BCL7C: variants seen among roughly 807,000 people sequenced by gnomAD.
BCL7C encodes BAF chromatin remodeling complex subunit BCL7C.
BCL7C carries 8 observed loss-of-function variants against 26.2 expected under a neutral mutation model. The observed-to-expected ratio is 0.30, with a 90% CI of 0.18 to 0.55. BCL7C has a LOEUF of 0.55. Ranked by LOEUF, BCL7C falls within the 20% of genes least tolerant of loss-of-function variation. BCL7C has a pLI of 0.93. For synonymous variants in BCL7C, 90 were observed against 116.5 expected, an observed-to-expected ratio of 0.77 and a Z score of 1.47; for missense variants, 262 against 298.5, an observed-to-expected ratio of 0.88 and a Z score of 0.90.
chr16:30,870,232 T>C (rs984547616), intron 5 of BCL7C, among the ~76,000 whole-genome samples: 4 of 152,160 alleles, frequency 2.6e-5, no homozygotes, highest in African/African-American at 9.7e-5. Flanking sequence ...AATGGTTCCT[T>C]AGACCAGGCC....
intron 5 of BCL7C, among the ~76,000 whole-genome samples, chr16:30,874,979 C>T (rs2054924122): frequency 6.6e-6 from 1 of 152,190 alleles, no homozygotes; most frequent in Non-Finnish European, 1.5e-5. Flanking sequence ...CCTCTGCCGA[C>T]TGCGGCAACG....
chr16:30,834,755 C>G lies in BCL7C; in HGVS notation c.*193G>C. ...AGTTCTGCCCTAAGCCCTTCCCATG[C>G]ATTCGGGCGCCAGTGGCGAGCCAGA... On this transcript the variant is annotated 3_prime_UTR_variant, in exon 6 of 6. Transcript: ENST00000380317. The surrounding 1 kb of genome is among the most constrained non-coding windows in gnomAD (Gnocchi z 4.3). 1 of 558,670 alleles carries G rather than the reference C, an allele frequency of 1.8e-6. No homozygotes were observed. Among genetic ancestry groups the G allele is most frequent in the Admixed American group, 3.6e-5 (1 of 28,110 alleles). The allele number at this position is 558,670 out of a possible 1,614,324, so 34.6% of individuals were successfully genotyped here.
chr16:30,878,642 A>C (rs186156929), intron 5 of BCL7C, among the ~76,000 whole-genome samples: 1 of 151,766 alleles, frequency 6.6e-6, no homozygotes, highest in African/African-American at 2.4e-5. Flanking sequence ...CAGGAGCTTG[A>C]GACCAGCCTG....
intron 5 of BCL7C, chr16:30,840,894 A>C (rs2054597863): frequency 6.6e-6 from 1 of 152,174 alleles, no homozygotes; most frequent in African/African-American, 2.4e-5. Context: ...CCTATGATTC[A>C]ATTACCTCTC....
intron 5 of BCL7C, among the ~76,000 whole-genome samples, chr16:30,877,641 GTGT>G (rs2054970321): frequency 6.7e-6 from 1 of 149,082 alleles, no homozygotes; most frequent in African/African-American, 2.5e-5. Flanking sequence ...GGGTTTCACC[GTGT>G]TAGCCAGGAT....
intron 5 of BCL7C, among the ~76,000 whole-genome samples, chr16:30,843,333 G>C (rs748819137): frequency 2.0e-5 from 3 of 152,200 alleles, no homozygotes; most frequent in Non-Finnish European, 4.4e-5. Flanking sequence ...GGCTGAGGCA[G>C]GAGGATCACT....
At chr16:30,868,174 C>T (rs193054981) in intron 5 of BCL7C, among the ~76,000 whole-genome samples, 224 of 143,098 alleles carry the variant, frequency 1.6e-3, no homozygotes, top group African/African-American at 5.1e-3. Flanking sequence ...GTCACCCAGG[C>T]TGGAATGCAG....
At chr16:30,849,074 C>T (rs1334003272) in intron 5 of BCL7C, among the ~76,000 whole-genome samples, 1 of 151,602 alleles carries the variant, frequency 6.6e-6, no homozygotes. Flanking sequence ...GTAGTCCCAG[C>T]TACTCGGGAG....
intron 5 of BCL7C, chr16:30,851,216 G>A: frequency 3.4e-6 from 1 of 295,348 alleles, no homozygotes; most frequent in Non-Finnish European, 6.7e-6. Flanking sequence ...GGTGGATGAG[G>A]CAAAATTTCA....
chr16:30,864,838 C>A (rs1177499288), intron 5 of BCL7C, among the ~76,000 whole-genome samples: 1 of 142,260 alleles, frequency 7.0e-6, no homozygotes, highest in African/African-American at 2.6e-5. Flanking sequence ...ATTCTCCCCC[C>A]CACCCCCACC....
chr16:30,884,124 CAAA>C (rs748829653), downstream of BCL7C, among the ~76,000 whole-genome samples: 1 of 54,878 alleles, frequency 1.8e-5, no homozygotes, highest in Admixed American at 2.4e-4. Context: ...AACTCCGTCT[CAAA>C]AAAAAAAAAA....
chr16:30,889,012 G>T, intron 4 of BCL7C, 67 bp from the exon 5 acceptor site: 2 of 1,470,444 alleles, frequency 1.4e-6, no homozygotes, highest in South Asian at 2.3e-5. Flanking sequence ...GACAGTGGGG[G>T]AAACAGATGG....
At chr16:30,888,805 C>A (rs1428790318) in intron 5 of BCL7C, 55 bp downstream of exon 5, 9 of 1,562,826 alleles carry the variant, frequency 5.8e-6, no homozygotes. Flanking sequence ...CTTCGACTGC[C>A]CAGATCCCCC....
At chr16:30,836,380 G>A (rs957350390) in intron 5 of BCL7C, among the ~76,000 whole-genome samples, 5 of 152,154 alleles carry the variant, frequency 3.3e-5, no homozygotes, top group Non-Finnish European at 7.4e-5. Context: ...GGCAAGGTGA[G>A]AGGATCACTT....
At chr16:30,841,710 C>T (rs2054603035) in intron 5 of BCL7C, among the ~76,000 whole-genome samples, 2 of 152,060 alleles carry the variant, frequency 1.3e-5, no homozygotes, top group South Asian at 4.1e-4. Flanking sequence ...AATCCCAGCA[C>T]TTTGGGAGAT....
chr16:30,846,937 C>T (rs541122865), intron 5 of BCL7C, among the ~76,000 whole-genome samples: 2 of 152,338 alleles, frequency 1.3e-5, no homozygotes, highest in East Asian at 1.9e-4. Flanking sequence ...GGCTGCTATT[C>T]TTGACTACAG....
chr16:30,840,828 C>T (rs1217496792), intron 5 of BCL7C: 1 of 152,140 alleles, frequency 6.6e-6, no homozygotes, highest in Non-Finnish European at 1.5e-5. Flanking sequence ...TATAAAACTA[C>T]CAGATCTCAT....
rs575805320 is a variant in BCL7C, at chr16:30,879,761, G to A, written c.528+9099C>T. 3.9e-4 allele frequency among the ~76,000 whole-genome samples: 58 copies of A among 148,310 alleles called. No homozygotes were observed. In the South Asian group the frequency reaches 0.012, roughly 30 times the overall value. On this transcript the variant is annotated intron_variant, in intron 5 of 5. Coordinates refer to the BCL7C transcript ENST00000380317. ...TCCCAGCACTTTGGGAGGCTGAGGCGGGCGGATCACGAGGTCAGGAGATCG... is the reference window on the plus strand; with the variant it reads ...TCCCAGCACTTTGGGAGGCTGAGGCAGGCGGATCACGAGGTCAGGAGATCG...
intron 5 of BCL7C, among the ~76,000 whole-genome samples, chr16:30,876,902 C>CAAA (rs1237578621): frequency 6.6e-6 from 1 of 152,082 alleles, no homozygotes; most frequent in Non-Finnish European, 1.5e-5. Context: ...ACTCCATGGG[C>CAAA]AAAAACAGGT....
Sources: gnomAD v4.1 joint callset for allele counts (sites outside exome capture counted in the v4.1 genomes callset) on GRCh38, gnomAD v4.1.1 for gene constraint, Gnocchi (gnomAD v3.1) non-coding constraint, MANE v1.5 for transcripts, NCBI Gene and HGNC (gene_info 2026-07-23, HGNC 2026-07-21) for gene names.